The following CHIC2 variants were observed in gnomAD, a reference collection of about 807,000 sequenced individuals.
CHIC2 encodes cysteine rich hydrophobic domain 2.
A neutral mutation model predicts 25.9 loss-of-function variants in CHIC2; 14 were observed. The observed-to-expected ratio is 0.54, with a 90% CI of 0.36 to 0.85. The LOEUF (loss-of-function observed/expected upper bound fraction) is 0.85. CHIC2 is among the 40% of genes least tolerant of loss of function. CHIC2 has a pLI of 0.01. For synonymous variants in CHIC2, 70 were observed against 72.0 expected, an observed-to-expected ratio of 0.97 and a Z score of 0.14; for missense variants, 146 against 202.0, an observed-to-expected ratio of 0.72 and a Z score of 1.68.
At chr4:54,042,870 C>A (rs1404535961) in intron 3 of CHIC2, among the ~76,000 whole-genome samples, 3 of 152,068 alleles carry the variant, frequency 2.0e-5, no homozygotes, top group Non-Finnish European at 4.4e-5. Flanking sequence ...TAGAATGTAC[C>A]AGTTTAAAAA....
At chr4:54,012,076 T>G (rs1715612211) in intron 5 of CHIC2, among the ~76,000 whole-genome samples, 3 of 151,954 alleles carry the variant, frequency 2.0e-5, no homozygotes, top group Admixed American at 2.0e-4. Flanking sequence ...ATATATATAC[T>G]CTAAGAAAAT....
At chr4:54,068,944 A>T (rs1208631429), upstream of CHIC2, among the ~76,000 whole-genome samples, 2 of 152,222 alleles carry the variant, frequency 1.3e-5, no homozygotes, top group African/African-American at 4.8e-5. Flanking sequence ...CGGCTCACAG[A>T]ACTCGGGGAA....
chr4:54,029,096 C>G (rs1415364946), intron 3 of CHIC2, among the ~76,000 whole-genome samples: 1 of 150,710 alleles, frequency 6.6e-6, no homozygotes, highest in Admixed American at 6.6e-5. Flanking sequence ...GCACTCCAGC[C>G]TGCTGACAGA....
intron 3 of CHIC2, among the ~76,000 whole-genome samples, chr4:54,020,944 G>A (rs1212942478): frequency 1.3e-5 from 2 of 152,038 alleles, no homozygotes; most frequent in Admixed American, 6.6e-5. Context: ...AGTCAATTGC[G>A]GGGATGCCTG....
At chr4:54,069,120 T>C (rs1453449229), upstream of CHIC2, among the ~76,000 whole-genome samples, 1 of 152,174 alleles carries the variant, frequency 6.6e-6, no homozygotes, top group African/African-American at 2.4e-5. Flanking sequence ...TCAACCTCCC[T>C]GGGCTCAAGC....
intron 3 of CHIC2, among the ~76,000 whole-genome samples, chr4:54,028,137 A>G (rs750363620): frequency 2.6e-5 from 4 of 152,206 alleles, no homozygotes; most frequent in Non-Finnish European, 4.4e-5. Flanking sequence ...AAAGTACTGC[A>G]AAAGTTAATA....
At chr4:54,089,017 C>T in the CHIC2 span, among the ~76,000 whole-genome samples, 1 of 152,148 alleles carries the variant, frequency 6.6e-6, no homozygotes, top group East Asian at 1.9e-4. Flanking sequence ...CTCCTAGTTT[C>T]CAGGGCATCT....
At chr4:54,069,868 G>A in the CHIC2 span, among the ~76,000 whole-genome samples, 1 of 152,158 alleles carries the variant, frequency 6.6e-6, no homozygotes, top group Admixed American at 6.6e-5. Context: ...CACATACTGT[G>A]CCAGGAACTA....
At chr4:54,057,782 T>C (rs983933949) in intron 1 of CHIC2, among the ~76,000 whole-genome samples, 9 of 152,136 alleles carry the variant, frequency 5.9e-5, no homozygotes, top group Admixed American at 2.6e-4. Context: ...AAAAATACTC[T>C]GAGAAAACAA....
At chr4:54,024,740 ACT>A in intron 3 of CHIC2, among the ~76,000 whole-genome samples, 1 of 152,036 alleles carries the variant, frequency 6.6e-6, no homozygotes, top group Non-Finnish European at 1.5e-5. Context: ...CCCCTTAGGC[ACT>A]CTCTAATTGG....
At chr4:54,042,267 CAA>C (rs896434905) in intron 3 of CHIC2, among the ~76,000 whole-genome samples, 2 of 152,018 alleles carry the variant, frequency 1.3e-5, no homozygotes, top group Non-Finnish European at 2.9e-5. Context: ...ATATAAAATA[CAA>C]AGAGAGAACT....
chr4:54,032,143 C>T (rs949484009), intron 3 of CHIC2, among the ~76,000 whole-genome samples: 2 of 152,044 alleles, frequency 1.3e-5, no homozygotes, highest in African/African-American at 2.4e-5. Flanking sequence ...TTTAATAAAT[C>T]CATATAGGGA....
the CHIC2 span, among the ~76,000 whole-genome samples, chr4:54,088,452 G>GA: frequency 6.6e-6 from 1 of 152,056 alleles, no homozygotes; most frequent in African/African-American, 2.4e-5. Flanking sequence ...AAGCAAAAAA[G>GA]AAAAAAGACA....
At chr4:54,089,483 C>A in the CHIC2 span, among the ~76,000 whole-genome samples, 1 of 151,844 alleles carries the variant, frequency 6.6e-6, no homozygotes, top group Non-Finnish European at 1.5e-5. Flanking sequence ...AAGTCAGCTT[C>A]TCTAAAATAA....
At position 54,042,103 on chromosome 4, in the gene CHIC2, T is replaced by C. The variant is rs542646247; in HGVS notation, c.330+6852A>G. On this transcript the variant is annotated intron_variant, in intron 3 of 5. Coordinates refer to ENST00000263921, the MANE Select transcript of CHIC2 (RefSeq NM_012110.4). ...CAGGGCCGGTAATATCCTTCACACA[T>C]GCATGAAGTGTCACTCTTACCATGG... 1.7e-3 allele frequency among the ~76,000 whole-genome samples: 257 copies of C among 152,220 alleles called. 1 individual carries two copies. Among genetic ancestry groups the C allele is most frequent in the African/African-American group, 5.6e-3 (233 of 41,534 alleles).
intron 1 of CHIC2, among the ~76,000 whole-genome samples, chr4:54,058,697 C>T (rs546302107): frequency 1.3e-5 from 2 of 152,074 alleles, no homozygotes; most frequent in South Asian, 4.1e-4. Flanking sequence ...AGCTTTATAG[C>T]AGATTAGAAA....
intron 3 of CHIC2, among the ~76,000 whole-genome samples, chr4:54,035,957 G>C (rs1211059713): frequency 6.6e-6 from 1 of 152,112 alleles, no homozygotes; most frequent in Admixed American, 6.5e-5. Context: ...TTTGACCAAT[G>C]AGTTATTTAG....
chr4:54,064,690 T>C, upstream of CHIC2: 2 of 1,014,076 alleles, frequency 2.0e-6, no homozygotes, highest in African/African-American at 1.7e-5. The surrounding 1 kb of genome is among the most constrained non-coding windows in gnomAD (Gnocchi z 4.2). Context: ...GGCGGGCGCG[T>C]GCGTGGGCGC....
At chr4:54,032,809 C>T (rs1716275294) in intron 3 of CHIC2, among the ~76,000 whole-genome samples, 1 of 152,186 alleles carries the variant, frequency 6.6e-6, no homozygotes, top group Non-Finnish European at 1.5e-5. Context: ...TTCTGCTCTG[C>T]TACATACTTG....
Sources: gnomAD v4.1 joint callset for allele counts (sites outside exome capture counted in the v4.1 genomes callset) on GRCh38, gnomAD v4.1.1 for gene constraint, Gnocchi (gnomAD v3.1) non-coding constraint, MANE v1.5 for transcripts, NCBI Gene and HGNC (gene_info 2026-07-23, HGNC 2026-07-21) for gene names.